DKK2: variants seen among roughly 807,000 people sequenced by gnomAD.
The protein encoded by DKK2 is dickkopf-related protein 2.
In DKK2, 11 loss-of-function variants were observed where a neutral mutation model predicts 28.1. That is an observed-to-expected ratio of 0.39 (90% CI 0.25 to 0.65). The LOEUF is 0.65. Ranked by LOEUF, DKK2 falls within the 30% of genes least tolerant of loss-of-function variation. The pLI, the probability that DKK2 is intolerant of heterozygous loss-of-function variation, is 0.47. For synonymous variants in DKK2, 135 were observed against 126.5 expected, an observed-to-expected ratio of 1.07 and a Z score of -0.45; for missense variants, 326 against 335.5, an observed-to-expected ratio of 0.97 and a Z score of 0.22.
At chr4:106,974,404 T>G (rs1418129970) in intron 1 of DKK2, among the ~76,000 whole-genome samples, 1 of 152,188 alleles carries the variant, frequency 6.6e-6, no homozygotes, top group African/African-American at 2.4e-5. Context: ...GTTTATGTCC[T>G]CTCTTATTTC....
intron 1 of DKK2, among the ~76,000 whole-genome samples, chr4:107,007,259 C>T (rs574249660): frequency 4.6e-5 from 7 of 151,902 alleles, no homozygotes; most frequent in Admixed American, 1.3e-4. Context: ...AGTCAATAGA[C>T]CCAGGAATAA....
chr4:106,957,960 A>T lies in DKK2; in HGVS notation c.223-32011T>A, dbSNP rs181832877. Among the ~76,000 whole-genome samples, 30 of 150,902 alleles carry T rather than the reference A, an allele frequency of 2.0e-4. No individual in the cohort carries two copies. The East Asian group carries it at 5.4e-3, about 27-fold the overall frequency. ...TTAATTTTAAAAAAGATGATTCTCT[A>T]CTAGCATTTTTTTCCAAGAGTAATA... is the stretch of plus-strand genomic sequence containing the variant. On this transcript the variant is annotated intron_variant, in intron 1 of 3. Transcript: ENST00000285311.
At chr4:106,935,292 G>A (rs1184913132) in intron 1 of DKK2, among the ~76,000 whole-genome samples, 8 of 152,228 alleles carry the variant, frequency 5.3e-5, no homozygotes. Context: ...GCGAGGCATT[G>A]CCTCACTTGG....
chr4:106,983,183 T>C (rs1723052369), intron 1 of DKK2, among the ~76,000 whole-genome samples: 1 of 151,782 alleles, frequency 6.6e-6, no homozygotes, highest in African/African-American at 2.4e-5. Context: ...ATTTATGTGC[T>C]CAGTAAATAC....
rs112978532 is a variant in DKK2, at chr4:106,994,491, CCACACACACA to C, written c.222+40869_222+40878del. 2.0e-4 allele frequency among the ~76,000 whole-genome samples: 29 copies of C among 145,834 alleles called. No individual in the cohort carries two copies. The East Asian group carries it at 5.4e-3, about 27-fold the overall frequency. Reference sequence around the variant, plus strand: ...TCTCTCTCACACACACACATGTACACCACACACACACACACACACACACACACATAGGACA... The same window carrying C: ...TCTCTCTCACACACACACATGTACACCACACACACACACACACATAGGACA... On this transcript the variant is annotated intron_variant, in intron 1 of 3. Transcript: ENST00000285311.
At chr4:106,947,348 G>A (rs2110345729) in intron 1 of DKK2, among the ~76,000 whole-genome samples, 1 of 152,088 alleles carries the variant, frequency 6.6e-6, no homozygotes, top group African/African-American at 2.4e-5. Context: ...GCCCAATATT[G>A]GTACCCTGTG....
intron 1 of DKK2, among the ~76,000 whole-genome samples, chr4:106,934,187 A>G (rs999716894): frequency 6.6e-6 from 1 of 152,164 alleles, no homozygotes; most frequent in African/African-American, 2.4e-5. Flanking sequence ...CAAGATCAAG[A>G]ACAGAGGAAA....
chr4:106,948,825 C>T (rs1437617348), intron 1 of DKK2, among the ~76,000 whole-genome samples: 2 of 152,088 alleles, frequency 1.3e-5, no homozygotes, highest in Non-Finnish European at 2.9e-5. Context: ...GAAGCACTTC[C>T]AAATGTTCAG....
At chr4:106,995,617 T>C (rs1327102209) in intron 1 of DKK2, among the ~76,000 whole-genome samples, 1 of 152,126 alleles carries the variant, frequency 6.6e-6, no homozygotes, top group Non-Finnish European at 1.5e-5. Flanking sequence ...TGTATTTATT[T>C]ATTTATTTAT....
chr4:106,923,696 A>C lies in DKK2; in HGVS notation c.*258T>G, dbSNP rs182227458. The C allele has an allele frequency of 7.2e-5, 32 of 446,132 alleles. No homozygotes were observed. In the Admixed American group the frequency reaches 9.1e-4, roughly 13 times the overall value. The allele number at this position is 446,132 out of a possible 1,614,324, so 27.6% of individuals were successfully genotyped here. A position where few individuals can be genotyped will look rare whatever the true frequency, so the allele number is the denominator to read the frequency against. ...TTTCCACTGTGTGCTTGTTCTCTTA[A>C]TAATAGCATTTTCCACAAATGTGTA... On this transcript the variant is annotated 3_prime_UTR_variant, in exon 4 of 4. Transcript: ENST00000285311.
At chr4:106,995,185 GAATT>G (rs1723254249) in intron 1 of DKK2, among the ~76,000 whole-genome samples, 1 of 151,880 alleles carries the variant, frequency 6.6e-6, no homozygotes. Context: ...ACTTCTTTGA[GAATT>G]AATGCCTGCA....
At chr4:107,022,641 C>T (rs1332006315) in intron 1 of DKK2, among the ~76,000 whole-genome samples, 1 of 152,060 alleles carries the variant, frequency 6.6e-6, no homozygotes, top group African/African-American at 2.4e-5. Context: ...ATATACAGAT[C>T]AGATTTTCAC....
intron 1 of DKK2, among the ~76,000 whole-genome samples, chr4:106,947,071 T>C (rs1376573042): frequency 6.6e-6 from 1 of 152,126 alleles, no homozygotes; most frequent in African/African-American, 2.4e-5. Flanking sequence ...TCACAACTCA[T>C]TCAGGTGCTG....
chr4:106,975,117 T>C (rs1035726472), intron 1 of DKK2, among the ~76,000 whole-genome samples: 8 of 152,200 alleles, frequency 5.3e-5, no homozygotes, highest in African/African-American at 1.9e-4. Context: ...GGATAAGCTT[T>C]TTGATGTGCT....
At chr4:106,946,754 C>T (rs1254361063) in intron 1 of DKK2, among the ~76,000 whole-genome samples, 3 of 151,794 alleles carry the variant, frequency 2.0e-5, no homozygotes, top group Non-Finnish European at 4.4e-5. Flanking sequence ...CCTCTGGTAG[C>T]GTAAATAAAC....
At chr4:106,940,997 C>T (rs963003581) in intron 1 of DKK2, among the ~76,000 whole-genome samples, 3 of 151,840 alleles carry the variant, frequency 2.0e-5, no homozygotes, top group Non-Finnish European at 2.9e-5. Flanking sequence ...TTGGGAGATA[C>T]ACCTAATGCT....
chr4:106,942,787 C>T (rs1211969829), intron 1 of DKK2, among the ~76,000 whole-genome samples: 2 of 151,896 alleles, frequency 1.3e-5, no homozygotes, highest in Non-Finnish European at 2.9e-5. Context: ...TTTTCCCTCA[C>T]ATTGAACAGT....
intron 1 of DKK2, among the ~76,000 whole-genome samples, chr4:106,954,489 C>A (rs935833673): frequency 1.3e-5 from 2 of 152,064 alleles, no homozygotes; most frequent in Non-Finnish European, 2.9e-5. Flanking sequence ...TTTTAAATGA[C>A]ATCCTAAAGC....
At chr4:106,977,234 G>A (rs1399123945) in intron 1 of DKK2, among the ~76,000 whole-genome samples, 1 of 151,988 alleles carries the variant, frequency 6.6e-6, no homozygotes, top group Admixed American at 6.6e-5. Flanking sequence ...TGCTCTTCTC[G>A]AGTAGTATCT....
Sources: gnomAD v4.1 joint callset for allele counts (sites outside exome capture counted in the v4.1 genomes callset) on GRCh38, gnomAD v4.1.1 for gene constraint, MANE v1.5 for transcripts, NCBI Gene and HGNC (gene_info 2026-07-23, HGNC 2026-07-21) for gene names.